Variants in PPIG observed in about 807,000 individuals in gnomAD.
The protein encoded by PPIG is peptidylprolyl isomerase G, also known as peptidyl-prolyl cis-trans isomerase G.
Under a neutral mutation model 87.9 loss-of-function variants are expected in PPIG, and 26 were observed. That is an observed-to-expected ratio of 0.30 (90% CI 0.22 to 0.41). The LOEUF is 0.41. Ranked by LOEUF, PPIG falls within the 10% of genes least tolerant of loss-of-function variation. PPIG has a pLI of 1.00. For missense variants in PPIG, 722 were observed against 879.4 expected, an observed-to-expected ratio of 0.82 and a Z score of 2.26; for synonymous variants, 308 against 276.5, an observed-to-expected ratio of 1.11 and a Z score of -1.13.
At chr2:169,634,186 A>T (rs1368850636) in intron 12 of PPIG, among the ~76,000 whole-genome samples, 2 of 151,838 alleles carry the variant, frequency 1.3e-5, no homozygotes, top group East Asian at 3.9e-4. Flanking sequence ...TCACCCTCCC[A>T]AGTAGCTGGG....
intron 4 of PPIG, 37 bp from the exon 5 acceptor site, chr2:169,606,002 C>T: frequency 6.9e-7 from 1 of 1,457,834 alleles, no homozygotes; most frequent in Non-Finnish European, 9.6e-7. Flanking sequence ...ACTTTGATTT[C>T]CTTTCTATTA....
At chr2:169,607,056 C>T (rs746306449) in intron 5 of PPIG, 48 bp from the exon 6 acceptor site, 2 of 1,251,482 alleles carry the variant, frequency 1.6e-6, no homozygotes, top group Non-Finnish European at 2.3e-6. Flanking sequence ...TAGGTATCAC[C>T]TTTGAGGAGC....
intron 9 of PPIG, 142 bp downstream of exon 9, chr2:169,614,866 T>G (rs1218766354): frequency 1.2e-5 from 12 of 1,015,640 alleles, no homozygotes; most frequent in African/African-American, 1.6e-5. Context: ...TGCTTTTATT[T>G]TTTACTTTTT....
At chr2:169,595,745 T>C (rs557308399) in intron 1 of PPIG, among the ~76,000 whole-genome samples, 1 of 152,342 alleles carries the variant, frequency 6.6e-6, no homozygotes, top group Non-Finnish European at 1.5e-5. Context: ...CAGGATCTTA[T>C]TCTTTTTAAT....
chr2:169,631,923 G>A lies in PPIG; in HGVS notation c.919G>A (p.Glu307Lys). 1 of 1,598,578 alleles carries A rather than the reference G, an allele frequency of 6.3e-7. No homozygotes were observed. The highest frequency in any genetic ancestry group is 8.6e-7 in the Non-Finnish European group (1 of 1,168,202). Residue 307 changes from glutamate (E) to lysine (K), a missense_variant, in exon 11 of 14, where the codon GAA becomes AAA. Around this residue, in one of 4 missense-constraint regions of PPIG, gnomAD observed 142 missense variants for 152.8 expected, o/e 0.93. Coordinates refer to ENST00000260970, the MANE Select transcript of PPIG (RefSeq NM_004792.3). Reference sequence around the variant, plus strand: ...AAGGAAAAACAGAGAGAGAGAAAGGGAAAGAGAGTGGTATGTGAATATGTA... The same window carrying A: ...AAGGAAAAACAGAGAGAGAGAAAGGAAAAGAGAGTGGTATGTGAATATGTA... ...KERKNRERER[E>K]RECNPPNSQP...
chr2:169,609,257 C>T (rs181004933), intron 7 of PPIG, among the ~76,000 whole-genome samples: 40 of 152,092 alleles, frequency 2.6e-4, no homozygotes, highest in Non-Finnish European at 4.4e-4. Context: ...GTCACCCAGG[C>T]GAGTGCAGTG....
intron 9 of PPIG, among the ~76,000 whole-genome samples, chr2:169,630,356 T>A (rs1400596205): frequency 6.6e-6 from 1 of 152,176 alleles, no homozygotes; most frequent in African/African-American, 2.4e-5. Context: ...ATCCATTTCT[T>A]ATCTCTCCAT....
intron 9 of PPIG, among the ~76,000 whole-genome samples, chr2:169,622,905 T>G (rs1685794410): frequency 6.6e-6 from 1 of 152,190 alleles, no homozygotes; most frequent in Non-Finnish European, 1.5e-5. Context: ...ATCATTATAT[T>G]TAAAACCTTG....
chr2:169,599,923 T>G (rs1685130485), intron 1 of PPIG, among the ~76,000 whole-genome samples: 1 of 152,144 alleles, frequency 6.6e-6, no homozygotes, highest in Admixed American at 6.6e-5. Context: ...TAGAAATAAT[T>G]TTTTTCATAA....
intron 7 of PPIG, among the ~76,000 whole-genome samples, chr2:169,610,011 A>C (rs1452849220): frequency 6.6e-6 from 1 of 151,914 alleles, no homozygotes; most frequent in Non-Finnish European, 1.5e-5. Flanking sequence ...TTCCAACTAC[A>C]AAAAAAATTA....
At chr2:169,635,329 T>C (rs145020487) in intron 12 of PPIG, among the ~76,000 whole-genome samples, 368 of 152,320 alleles carry the variant, frequency 2.4e-3, no homozygotes, top group African/African-American at 8.5e-3. Flanking sequence ...TAGTACTACT[T>C]TCCCTTGCAG....
At chr2:169,600,290 G>A (rs935473422) in intron 1 of PPIG, among the ~76,000 whole-genome samples, 1 of 151,938 alleles carries the variant, frequency 6.6e-6, no homozygotes, top group Non-Finnish European at 1.5e-5. Flanking sequence ...GCCCAGGCTG[G>A]TCTCGAACAG....
chr2:169,622,507 ACATC>A (rs763335728), intron 9 of PPIG, among the ~76,000 whole-genome samples: 1 of 152,212 alleles, frequency 6.6e-6, no homozygotes, highest in Non-Finnish European at 1.5e-5. Flanking sequence ...AGTTGATGTA[ACATC>A]CAACTGTATG....
At chr2:169,601,620 G>A (rs1000615756) in intron 1 of PPIG, among the ~76,000 whole-genome samples, 2 of 152,174 alleles carry the variant, frequency 1.3e-5, no homozygotes, top group African/African-American at 4.8e-5. Flanking sequence ...GGAGAGAACA[G>A]CAAATGTAAA....
rs200463540 is a variant in PPIG, at chr2:169,631,746, G to T, written c.762-20G>T. 179 of 1,613,232 alleles carry T rather than the reference G, an allele frequency of 1.1e-4. 1 individual carries two copies. Among genetic ancestry groups the T allele is most frequent in the African/African-American group, 5.3e-5 (4 of 74,866 alleles). ...ATAATAACCAACTGTAACTTGTTTT[G>T]TGTGTTTCTGTCTGTTAAGTGCATC... On this transcript the variant is annotated intron_variant, in intron 10 of 13. Coordinates refer to ENST00000260970, the MANE Select transcript of PPIG (RefSeq NM_004792.3).
intron 9 of PPIG, among the ~76,000 whole-genome samples, chr2:169,624,710 C>T (rs980894719): frequency 1.3e-5 from 2 of 152,150 alleles, no homozygotes; most frequent in Admixed American, 6.5e-5. Flanking sequence ...GCCTCAGCCT[C>T]CTGAGTAGCT....
At chr2:169,614,327 A>G in intron 7 of PPIG, 137 bp from the exon 8 acceptor site, 1 of 765,510 alleles carries the variant, frequency 1.3e-6, no homozygotes. Flanking sequence ...AGGTAATATG[A>G]TTATATTAAG....
intron 12 of PPIG, chr2:169,633,534 T>A: frequency 2.1e-6 from 1 of 468,142 alleles, no homozygotes; most frequent in Non-Finnish European, 3.7e-6. Context: ...CTATTCTTGT[T>A]AAAAATAAAT....
At chr2:169,621,401 G>A (rs2105507828) in intron 9 of PPIG, among the ~76,000 whole-genome samples, 1 of 152,154 alleles carries the variant, frequency 6.6e-6, no homozygotes, top group Non-Finnish European at 1.5e-5. Flanking sequence ...TATTGCAGAT[G>A]TATGCTTCAG....
Sources: allele counts gnomAD v4.1 joint callset (sites outside exome capture counted in the v4.1 genomes callset), GRCh38; gene constraint gnomAD v4.1.1; regional missense constraint gnomAD v4.1.1; transcripts MANE v1.5; gene names NCBI Gene and HGNC (gene_info 2026-07-23, HGNC 2026-07-21).